ZNF540: variants seen among roughly 807,000 people sequenced by gnomAD.
ZNF540 encodes the protein CTD-3064H18.6.
Under a neutral mutation model 11.8 loss-of-function variants are expected in ZNF540, and 3 were observed. That is an observed-to-expected ratio of 0.25 (90% CI 0.12 to 0.65). ZNF540 has a LOEUF of 0.65. Ranked by LOEUF, ZNF540 falls within the 30% of genes least tolerant of loss-of-function variation. The pLI is 0.83. For synonymous variants in ZNF540, 247 were observed against 259.0 expected (o/e 0.95, Z 0.45); for missense variants, 709 against 793.1 (o/e 0.89, Z 1.27).
At chr19:37,606,545 T>C (rs2044086860) in intron 4 of ZNF540, among the ~76,000 whole-genome samples, 1 of 152,204 alleles carries the variant, frequency 6.6e-6, no homozygotes, top group Non-Finnish European at 1.5e-5. Context: ...CCAATAACAA[T>C]GCATGAGGGT....
chr19:37,566,234 A>G, intron 1 of ZNF540: 1 of 1,613,556 alleles, frequency 6.2e-7, no homozygotes, highest in Non-Finnish European at 8.5e-7. Context: ...GAGTGATTCC[A>G]TTTCATAAAT....
chr19:37,601,219 C>T, intron 4 of ZNF540, 114 bp downstream of exon 4: 1 of 806,462 alleles, frequency 1.2e-6, no homozygotes, highest in Non-Finnish European at 1.9e-6. Context: ...TCAGAGGCCT[C>T]AGGCCTTTGG....
intron 4 of ZNF540, among the ~76,000 whole-genome samples, chr19:37,603,077 G>A (rs1405366973): frequency 6.9e-6 from 1 of 143,914 alleles, no homozygotes; most frequent in Admixed American, 7.3e-5. Flanking sequence ...GCATGATCTC[G>A]GCTCACTGCA....
At chr19:37,576,484 A>G (rs2147178796) in intron 1 of ZNF540, among the ~76,000 whole-genome samples, 1 of 152,296 alleles carries the variant, frequency 6.6e-6, no homozygotes. Flanking sequence ...GCCACAGAAA[A>G]CAGCAATGAT....
intron 2 of ZNF540, 122 bp downstream of exon 2, chr19:37,598,578 C>T: frequency 9.9e-7 from 1 of 1,006,292 alleles, no homozygotes; most frequent in Non-Finnish European, 1.5e-6. Flanking sequence ...TTCCAAGCTC[C>T]TCCCATGGGC....
rs762594598 is a variant in ZNF540, at chr19:37,557,405, C to T, written c.-73+5740C>T. ...CCATGTACATGCACCGTAGCAAAGG[C>T]GTACCTGCTGTCAGTGTTAACGTTA... On this transcript the variant is annotated intron_variant, in intron 1 of 4. Coordinates refer to the ZNF540 transcript ENST00000592533. Among the ~76,000 whole-genome samples the T allele has an allele frequency of 2.0e-5, 3 of 152,296 alleles. No individual in the cohort carries two copies. The East Asian group carries it at 5.8e-4, about 29-fold the overall frequency.
chr19:37,558,820 A>C (rs946544364), intron 1 of ZNF540, among the ~76,000 whole-genome samples: 1 of 151,966 alleles, frequency 6.6e-6, no homozygotes, highest in Non-Finnish European at 1.5e-5. Flanking sequence ...TTCACTATAT[A>C]TATATATATG....
In ZNF540 at chr19:37,565,609, A is replaced by G. The variant is rs1241066183; in HGVS notation, c.-73+13944A>G. 6 of 1,613,292 alleles carry G rather than the reference A, an allele frequency of 3.7e-6. No homozygotes were observed. The East Asian group carries it at 1.1e-4, about 30-fold the overall frequency. ...TACATTCATAGGGTTTTTCACCACT[A>G]TGAATTCTCTGATGAAGAGTATATT... On this transcript the variant is annotated intron_variant, in intron 1 of 4. Coordinates refer to the ZNF540 transcript ENST00000592533.
rs189017014 is a variant in ZNF540 at position 37,602,782 on chromosome 19, C to A, written c.232+1677C>A. Among the ~76,000 whole-genome samples, 47 of 152,110 alleles carry A rather than the reference C, an allele frequency of 3.1e-4. 1 individual carries two copies. The highest frequency in any genetic ancestry group is 1.1e-3 in the African/African-American group (46 of 41,474). ...GTGAGGTCAACTGAACTGTAAACTG[C>A]CTATAGGATATGGCAGGAAAGAAGC... On this transcript the variant is annotated intron_variant, in intron 4 of 4. Coordinates refer to ENST00000316433, the MANE Select transcript of ZNF540 (RefSeq NM_001172225.3).
intron 1 of ZNF540, among the ~76,000 whole-genome samples, chr19:37,562,106 G>A (rs889446568): frequency 6.6e-6 from 1 of 152,160 alleles, no homozygotes; most frequent in Non-Finnish European, 1.5e-5. Context: ...ATGTAGGCCG[G>A]GTGCGGTGGC....
chr19:37,561,419 T>TTC (rs2042716597), intron 1 of ZNF540, among the ~76,000 whole-genome samples: 2 of 152,340 alleles, frequency 1.3e-5, no homozygotes, highest in African/African-American at 4.8e-5. Context: ...CTTACCATCA[T>TTC]TCTTTATGGT....
intron 1 of ZNF540, chr19:37,564,851 C>G: frequency 6.2e-7 from 1 of 1,614,046 alleles, no homozygotes; most frequent in Non-Finnish European, 8.5e-7. Flanking sequence ...AGGTTTTTCA[C>G]CTCTGTGAAT....
intron 1 of ZNF540, chr19:37,555,743 A>G: frequency 1.6e-6 from 1 of 613,732 alleles, no homozygotes; most frequent in Non-Finnish European, 2.9e-6. Context: ...GATGGTGAAC[A>G]TAGTCCCAAC....
intron 1 of ZNF540, among the ~76,000 whole-genome samples, chr19:37,561,048 CAA>C (rs199892724): frequency 1.5e-4 from 11 of 73,778 alleles, no homozygotes; most frequent in African/African-American, 2.7e-4. Context: ...CCTGTCTCTA[CAA>C]AAAAAAAAAA....
intron 1 of ZNF540, among the ~76,000 whole-genome samples, chr19:37,574,891 C>T (rs117671753): frequency 0.018 from 2,792 of 152,272 alleles, 40 homozygotes; most frequent in Non-Finnish European, 0.031. Context: ...AGCCATGAGT[C>T]GGCCTTCATA....
chr19:37,585,691 A>G (rs1329712201), intron 1 of ZNF540: 3 of 152,194 alleles, frequency 2.0e-5, no homozygotes, highest in Non-Finnish European at 4.4e-5. Context: ...CATCTCTTAA[A>G]CTTTCAAGTG....
At position 37,565,034 on chromosome 19, in the gene ZNF540, T is replaced by G. The variant is rs763076083; in HGVS notation, c.-73+13369T>G. The G allele has an allele frequency of 1.4e-5, 23 of 1,613,732 alleles. No individual in the cohort carries two copies. The highest frequency in any genetic ancestry group is 1.9e-5 in the Non-Finnish European group (22 of 1,179,778). ...ATGTTTCTCACCATGAATTTTCTCA[T>G]GTTGAGTAAGATATGCAACACGAAT... is the stretch of plus-strand genomic sequence containing the variant. On this transcript the variant is annotated intron_variant, in intron 1 of 4. Transcript: ENST00000592533.
chr19:37,604,909 ATAC>A (rs1199110189), intron 4 of ZNF540, among the ~76,000 whole-genome samples: 2 of 152,212 alleles, frequency 1.3e-5, no homozygotes, highest in African/African-American at 4.8e-5. Context: ...ATTCTGTGTC[ATAC>A]TACTTCTACT....
intron 4 of ZNF540, among the ~76,000 whole-genome samples, chr19:37,606,313 T>A (rs1267451299): frequency 6.6e-6 from 1 of 152,206 alleles, no homozygotes; most frequent in African/African-American, 2.4e-5. Context: ...ATTTTACTTA[T>A]CTATTTACCA....
Sources: gnomAD v4.1 joint callset for allele counts (sites outside exome capture counted in the v4.1 genomes callset) on GRCh38, gnomAD v4.1.1 for gene constraint, MANE v1.5 for transcripts, NCBI Gene and HGNC (gene_info 2026-07-23, HGNC 2026-07-21) for gene names.